TMEM255B: variants seen among roughly 807,000 people sequenced by gnomAD.
The protein encoded by TMEM255B is family with sequence similarity 70, member B.
TMEM255B carries 35 observed loss-of-function variants against 34.5 expected under a neutral mutation model. The observed-to-expected ratio is 1.01, with a 90% CI of 0.77 to 1.34. The LOEUF is 1.34. Ranked by LOEUF, TMEM255B falls within the 40% of genes most tolerant of loss-of-function variation. The pLI, the probability that TMEM255B is intolerant of heterozygous loss-of-function variation, is 0.00. For synonymous variants in TMEM255B, 206 were observed against 201.2 expected (o/e 1.02, Z -0.20); for missense variants, 432 against 433.2 (o/e 1.00, Z 0.02).
intron 3 of TMEM255B, among the ~76,000 whole-genome samples, chr13:113,776,315 C>T (rs2050577095): frequency 1.3e-5 from 2 of 152,224 alleles, no homozygotes; most frequent in Admixed American, 6.5e-5. Flanking sequence ...ACAGGAAAAT[C>T]AACCAAGTCC....
intron 4 of TMEM255B, among the ~76,000 whole-genome samples, chr13:113,796,495 C>T (rs951555959): frequency 1.4e-5 from 2 of 147,632 alleles, no homozygotes; most frequent in Non-Finnish European, 3.0e-5. Context: ...ACACACACTA[C>T]ACACACCACA....
intron 1 of TMEM255B, among the ~76,000 whole-genome samples, chr13:113,762,756 C>G (rs957558411): frequency 1.3e-5 from 2 of 152,182 alleles, no homozygotes; most frequent in Non-Finnish European, 2.9e-5. Context: ...TCACAGGGTT[C>G]CTGACAGACG....
chr13:113,775,565 C>G (rs2050562377), intron 3 of TMEM255B, among the ~76,000 whole-genome samples: 3 of 152,364 alleles, frequency 2.0e-5, no homozygotes, highest in South Asian at 4.1e-4. Flanking sequence ...CCCCACGGCC[C>G]CGAGTAGGTC....
intron 7 of TMEM255B, 88 bp from the exon 8 acceptor site, chr13:113,804,797 C>G: frequency 8.0e-7 from 1 of 1,246,570 alleles, no homozygotes; most frequent in South Asian, 1.5e-5. Flanking sequence ...AGTCGGGGGT[C>G]GAGGGTGCTG....
chr13:113,810,380 G>C (rs1292269753), intron 8 of TMEM255B, among the ~76,000 whole-genome samples: 4 of 152,244 alleles, frequency 2.6e-5, no homozygotes, highest in African/African-American at 9.7e-5. Flanking sequence ...TGTGTTAGCA[G>C]TTGGAGAAAA....
chr13:113,793,070 C>T (rs934990948), intron 3 of TMEM255B, among the ~76,000 whole-genome samples: 5 of 152,240 alleles, frequency 3.3e-5, no homozygotes, highest in Non-Finnish European at 4.4e-5. Flanking sequence ...GTTCAGAGAA[C>T]GCTCTGGAAG....
intron 2 of TMEM255B, 187 bp from the exon 3 acceptor site, chr13:113,768,911 A>T: frequency 1.5e-6 from 1 of 688,428 alleles, no homozygotes; most frequent in Non-Finnish European, 2.7e-6. Flanking sequence ...GTGATGTTGC[A>T]GAGATGCCTG....
At position 113,813,821 on chromosome 13, in the gene TMEM255B, TCTTGGCCTCTCAGGGCTGACTGGC is replaced by T. The variant is rs1185679919; in HGVS notation, c.*1923_*1946del. ...AAGCTTGCTGTCCAGGAGAATGTGG[TCTTGGCCTCTCAGGGCTGACTGGC>T]CTTGAACCAGTCCGGGAGGTCGGGC... On this transcript the variant is annotated 3_prime_UTR_variant, in exon 9 of 9. Coordinates refer to ENST00000375353, the MANE Select transcript of TMEM255B (RefSeq NM_182614.4). The T allele has an allele frequency of 2.0e-5, 3 of 152,164 alleles. No homozygotes were observed. The highest frequency in any genetic ancestry group is 7.2e-5 in the African/African-American group (3 of 41,440). The allele number at this position is 152,164 out of a possible 1,614,324, so 9.4% of individuals were successfully genotyped here.
At position 113,801,810 on chromosome 13, in the gene TMEM255B, A is replaced by G. The variant is rs372557647; in HGVS notation, c.667A>G (p.Met223Val). 4 of 1,603,518 alleles carry G rather than the reference A, an allele frequency of 2.5e-6. No individual in the cohort carries two copies. The highest frequency in any genetic ancestry group is 1.3e-5 in the African/African-American group (1 of 74,664). The part of the protein sequence containing the change: ...TAAVLGAFKD[M>V]VPLSQLAYGP... ...CGCCGTCCTGGGGGCCTTCAAGGAC[A>G]TGGTGAGGCCCCTTGGTGGGACCCC... Residue 223 changes from methionine (M) to valine (V), a missense_variant and splice_region_variant, in exon 7 of 9, where the codon ATG becomes GTG. Met to Val is a conservative substitution (Grantham distance 21, BLOSUM62 1). Coordinates refer to ENST00000375353, the MANE Select transcript of TMEM255B (RefSeq NM_182614.4).
rs573922382 is a variant in TMEM255B at position 113,800,694 on chromosome 13, A to G, written c.424-133A>G. On this transcript the variant is annotated intron_variant, in intron 5 of 8. Transcript: ENST00000375353. ...AAGCCTCTGTGTCTGGAGTCGGGGG[A>G]AAGTCGGGGGAGGCAGCTGCTTGGC... The G allele has an allele frequency of 7.7e-6, 6 of 780,534 alleles. No homozygotes were observed. The South Asian group carries it at 8.4e-5, about 11-fold the overall frequency. The allele number at this position is 780,534 out of a possible 1,614,324, so 48.4% of individuals were successfully genotyped here.
intron 4 of TMEM255B, among the ~76,000 whole-genome samples, chr13:113,797,008 G>T (rs375945703): frequency 1.3e-5 from 2 of 152,258 alleles, no homozygotes; most frequent in African/African-American, 4.8e-5. Context: ...TCAGCGGGTG[G>T]CTGGGTGACT....
In TMEM255B at chr13:113,812,175, G is replaced by C; in HGVS notation, c.*272G>C. ...TCCCACCCGGCCTCCTCCTCTGAGAGCAATTGTTCTGGTGTTTTCACATCC... is the reference window on the plus strand; with the variant it reads ...TCCCACCCGGCCTCCTCCTCTGAGACCAATTGTTCTGGTGTTTTCACATCC... On this transcript the variant is annotated 3_prime_UTR_variant, in exon 9 of 9. Coordinates refer to ENST00000375353, the MANE Select transcript of TMEM255B (RefSeq NM_182614.4). 7.8e-6 allele frequency: 4 copies of C among 510,796 alleles called. No homozygotes were observed. Among genetic ancestry groups the C allele is most frequent in the Middle Eastern group, 5.1e-4 (1 of 1,944 alleles). 31.6% of individuals were successfully genotyped at this position (510,796 alleles called of 1,614,324 possible).
chr13:113,794,568 G>T (rs2050887312), intron 3 of TMEM255B, among the ~76,000 whole-genome samples: 1 of 152,024 alleles, frequency 6.6e-6, no homozygotes, highest in African/African-American at 2.4e-5. Flanking sequence ...CTCTGGTCAG[G>T]GGTCCACGGG....
intron 8 of TMEM255B, among the ~76,000 whole-genome samples, chr13:113,807,720 G>T (rs1265799352): frequency 7.9e-6 from 1 of 127,044 alleles, no homozygotes; most frequent in Non-Finnish European, 1.6e-5. Flanking sequence ...GGTCCTCCCT[G>T]TCACACGTGG....
chr13:113,787,231 C>T (rs1040983906), intron 3 of TMEM255B, among the ~76,000 whole-genome samples: 4 of 152,320 alleles, frequency 2.6e-5, no homozygotes, highest in African/African-American at 7.2e-5. Flanking sequence ...TGGGCATCTC[C>T]CAGAGCCAAC....
intron 8 of TMEM255B, among the ~76,000 whole-genome samples, chr13:113,808,932 G>T (rs1387018965): frequency 6.7e-6 from 1 of 149,580 alleles, no homozygotes; most frequent in African/African-American, 2.5e-5. Flanking sequence ...GGTTCTTGGG[G>T]ATTTATGCTG....
chr13:113,768,893 C>T, intron 2 of TMEM255B: 3 of 669,024 alleles, frequency 4.5e-6, no homozygotes, highest in Non-Finnish European at 8.5e-6. Context: ...GCAGAGAAGA[C>T]AGGACAGGTG....
At chr13:113,772,331 T>C (rs2050491979) in intron 3 of TMEM255B, among the ~76,000 whole-genome samples, 1 of 152,210 alleles carries the variant, frequency 6.6e-6, no homozygotes, top group African/African-American at 2.4e-5. Flanking sequence ...GGCACAAAAG[T>C]TTTTAATTTT....
At chr13:113,804,533 C>G (rs1355243357) in intron 7 of TMEM255B, among the ~76,000 whole-genome samples, 1 of 152,170 alleles carries the variant, frequency 6.6e-6, no homozygotes, top group Non-Finnish European at 1.5e-5. Flanking sequence ...GCCCTGGGAC[C>G]AAGATGTAGA....
Sources: allele counts gnomAD v4.1 joint callset (sites outside exome capture counted in the v4.1 genomes callset), GRCh38; gene constraint gnomAD v4.1.1; transcripts MANE v1.5; gene names NCBI Gene and HGNC (gene_info 2026-07-23, HGNC 2026-07-21).